GPC6: variants seen among roughly 807,000 people sequenced by gnomAD.
GPC6 encodes the protein glypican-6.
Under a neutral mutation model 55.2 loss-of-function variants are expected in GPC6, and 14 were observed. The ratio of observed to expected loss-of-function variants is 0.25; its 90% CI spans 0.17 to 0.40. The LOEUF is 0.40. Among genes scored for constraint, GPC6 ranks in the 10% least tolerant of loss-of-function variants. The pLI is 1.00. For missense variants in GPC6, 641 were observed against 708.5 expected (o/e 0.90, Z 1.08); for synonymous variants, 278 against 259.6 (o/e 1.07, Z -0.68).
intron 3 of GPC6, among the ~76,000 whole-genome samples, chr13:93,854,006 A>G (rs1888511682): frequency 1.3e-5 from 2 of 151,840 alleles, no homozygotes; most frequent in South Asian, 4.1e-4. Flanking sequence ...ATTATCATAC[A>G]TGATTAATGA....
chr13:94,231,206 T>C (rs1386069797), intron 4 of GPC6, among the ~76,000 whole-genome samples: 1 of 152,184 alleles, frequency 6.6e-6, no homozygotes, highest in East Asian at 1.9e-4. Context: ...CATCATTATG[T>C]TGACCCAACA....
chr13:94,067,679 A>G (rs1046416524), intron 4 of GPC6, among the ~76,000 whole-genome samples: 2 of 152,198 alleles, frequency 1.3e-5, no homozygotes, highest in African/African-American at 4.8e-5. Flanking sequence ...TTGTGTTTGT[A>G]TCCATATATT....
chr13:93,442,496 C>A (rs1877843004), intron 1 of GPC6, among the ~76,000 whole-genome samples: 1 of 152,196 alleles, frequency 6.6e-6, no homozygotes, highest in Admixed American at 6.5e-5. Context: ...TATCATCCTT[C>A]TACCACCTCC....
chr13:94,065,486 G>A (rs1470345663), intron 4 of GPC6, among the ~76,000 whole-genome samples: 1 of 152,118 alleles, frequency 6.6e-6, no homozygotes, highest in Admixed American at 6.6e-5. Flanking sequence ...ATTATTACAT[G>A]GGACAGAAAT....
At chr13:93,956,649 A>G (rs1388817422) in intron 3 of GPC6, among the ~76,000 whole-genome samples, 2 of 152,154 alleles carry the variant, frequency 1.3e-5, no homozygotes, top group African/African-American at 4.8e-5. Flanking sequence ...TTCAGCACAT[A>G]CCCTGCACTA....
intron 3 of GPC6, among the ~76,000 whole-genome samples, chr13:94,015,178 T>C (rs1293992786): frequency 6.6e-6 from 1 of 152,236 alleles, no homozygotes; most frequent in Non-Finnish European, 1.5e-5. Flanking sequence ...TTTCAATGTC[T>C]TCACATGTAC....
At chr13:93,857,979 G>T (rs1387345850) in intron 3 of GPC6, among the ~76,000 whole-genome samples, 1 of 151,438 alleles carries the variant, frequency 6.6e-6, no homozygotes, top group Non-Finnish European at 1.5e-5. Flanking sequence ...TTCACTTTGA[G>T]AGTGGATAAA....
chr13:93,608,793 G>A (rs946703670), intron 2 of GPC6, among the ~76,000 whole-genome samples: 3 of 152,228 alleles, frequency 2.0e-5, no homozygotes, highest in African/African-American at 7.2e-5. Flanking sequence ...GAAGTAAGAA[G>A]GAATGTAGTA....
chr13:93,523,402 C>T (rs1881517977), intron 1 of GPC6, among the ~76,000 whole-genome samples: 2 of 150,896 alleles, frequency 1.3e-5, no homozygotes, highest in African/African-American at 4.9e-5. Flanking sequence ...TATATATCCT[C>T]TTTTAAATAT....
chr13:93,894,039 G>A (rs948069772), intron 3 of GPC6, among the ~76,000 whole-genome samples: 18 of 152,126 alleles, frequency 1.2e-4, no homozygotes, highest in South Asian at 2.1e-4. Context: ...TAGACAGAAA[G>A]GGAAGTGCAA....
At position 94,255,936 on chromosome 13, in the gene GPC6, C is replaced by T. The variant is rs1053628300; in HGVS notation, c.878-30413C>T. ...GTGATCCCTGGACTGGCAGCACCCA[C>T]ATTGCTTGAGAATCTACAGGAAATG... On this transcript the variant is annotated intron_variant, in intron 4 of 8. Coordinates refer to ENST00000377047, the MANE Select transcript of GPC6 (RefSeq NM_005708.5). 2.0e-5 allele frequency among the ~76,000 whole-genome samples: 3 copies of T among 152,284 alleles called. No homozygotes were observed. The East Asian group carries it at 5.8e-4, about 29-fold the overall frequency.
chr13:94,257,710 T>A (rs565713766), intron 4 of GPC6, among the ~76,000 whole-genome samples: 5 of 152,308 alleles, frequency 3.3e-5, no homozygotes, highest in Non-Finnish European at 7.3e-5. Context: ...AGCTGGTTTC[T>A]CATTTATTGA....
intron 3 of GPC6, among the ~76,000 whole-genome samples, chr13:94,020,992 A>G (rs767291225): frequency 6.6e-6 from 1 of 152,132 alleles, no homozygotes; most frequent in Non-Finnish European, 1.5e-5. Context: ...AAATCAAAAG[A>G]TCATAATCAC....
chr13:94,329,003 A>C (rs978773727), intron 6 of GPC6, among the ~76,000 whole-genome samples: 1 of 151,974 alleles, frequency 6.6e-6, no homozygotes, highest in Non-Finnish European at 1.5e-5. Flanking sequence ...GTCCCCATCA[A>C]CTCTGGAGCT....
At chr13:93,345,533 ACATACT>A (rs777617136) in intron 1 of GPC6, among the ~76,000 whole-genome samples, 17 of 152,154 alleles carry the variant, frequency 1.1e-4, no homozygotes, top group Non-Finnish European at 5.9e-5. Context: ...AACTGCATGC[ACATACT>A]CTTTCCCACA....
chr13:94,336,238 T>G (rs1877692915), intron 6 of GPC6, among the ~76,000 whole-genome samples: 1 of 152,198 alleles, frequency 6.6e-6, no homozygotes, highest in African/African-American at 2.4e-5. Context: ...AAATCCAGGC[T>G]GCTTTTCTCA....
intron 1 of GPC6, among the ~76,000 whole-genome samples, chr13:93,530,806 A>G (rs1566407194): frequency 6.6e-6 from 1 of 152,186 alleles, no homozygotes; most frequent in East Asian, 1.9e-4. Context: ...GAAATACTAC[A>G]TAGAAGACAC....
intron 3 of GPC6, among the ~76,000 whole-genome samples, chr13:93,853,140 G>A (rs1888468723): frequency 1.3e-5 from 2 of 151,526 alleles, no homozygotes; most frequent in Admixed American, 1.3e-4. Context: ...CCAAAACACG[G>A]TCAAGCAATA....
intron 4 of GPC6, among the ~76,000 whole-genome samples, chr13:94,059,325 C>T (rs1884242728): frequency 6.6e-6 from 1 of 151,784 alleles, no homozygotes; most frequent in Non-Finnish European, 1.5e-5. Flanking sequence ...TGAAGGAGTG[C>T]CTACATGGAA....
Sources: allele counts gnomAD v4.1 joint callset (sites outside exome capture counted in the v4.1 genomes callset), GRCh38; gene constraint gnomAD v4.1.1; transcripts MANE v1.5; gene names NCBI Gene and HGNC (gene_info 2026-07-23, HGNC 2026-07-21).